DHX32: variants seen among roughly 807,000 people sequenced by gnomAD.
DHX32 encodes the protein DEAH-box helicase 32 (putative), also known as putative pre-mRNA-splicing factor ATP-dependent RNA helicase DHX32.
In DHX32, 51 loss-of-function variants were observed where a neutral mutation model predicts 70.0. That is an observed-to-expected ratio of 0.73 (90% CI 0.58 to 0.92). DHX32 has a LOEUF of 0.92. DHX32 is among the 40% of genes least tolerant of loss of function. The pLI is 0.00. For synonymous variants in DHX32, 310 were observed against 315.3 expected (o/e 0.98, Z 0.18); for missense variants, 762 against 891.8 (o/e 0.85, Z 1.85).
chr10:125,855,146 C>T (rs1020782698), intron 3 of DHX32, among the ~76,000 whole-genome samples: 17 of 150,394 alleles, frequency 1.1e-4, no homozygotes, highest in Non-Finnish European at 2.2e-4. Flanking sequence ...CACTTGAACC[C>T]GGGAGACAGA....
rs1030351320 is a variant in DHX32 at position 125,867,711 on chromosome 10, G to A, written c.283-528C>T. On this transcript the variant is annotated intron_variant, in intron 1 of 10. Transcript: ENST00000284690. ...AGATTGTGCCACTGCACGCCAGCCT[G>A]GGCGACAGAGCAAGACTCCGTCTCA... Among the ~76,000 whole-genome samples the A allele has an allele frequency of 6.0e-5, 9 of 149,616 alleles. No individual in the cohort carries two copies. The East Asian group carries it at 1.8e-3, about 29-fold the overall frequency.
intron 1 of DHX32, among the ~76,000 whole-genome samples, chr10:125,875,502 GAATAA>G (rs1305347068): frequency 2.0e-5 from 3 of 152,120 alleles, no homozygotes; most frequent in Non-Finnish European, 4.4e-5. Flanking sequence ...ATAACCCATA[GAATAA>G]AATAAGAATT....
intron 1 of DHX32, among the ~76,000 whole-genome samples, chr10:125,891,787 C>T (rs1944372596): frequency 6.6e-6 from 1 of 152,288 alleles, no homozygotes; most frequent in Non-Finnish European, 1.5e-5. Context: ...CATTAATCCT[C>T]CCAGATTTTC....
chr10:125,836,942 TG>T (rs1854709769), intron 10 of DHX32, 87 bp from the exon 11 acceptor site: 20 of 1,163,540 alleles, frequency 1.7e-5, no homozygotes, highest in Non-Finnish European at 2.5e-5. Flanking sequence ...TTCCCATCCC[TG>T]GAGAATCTAC....
In DHX32 at chr10:125,880,530, A is replaced by T; in HGVS notation, c.282+13T>A. 6.4e-7 allele frequency: 1 copy of T among 1,561,018 alleles called. No homozygotes were observed. Among genetic ancestry groups the T allele is most frequent in the African/African-American group, 1.4e-5 (1 of 72,814 alleles). On this transcript the variant is annotated intron_variant, in intron 1 of 10. Coordinates refer to ENST00000284690, the MANE Select transcript of DHX32 (RefSeq NM_018180.3). ...ACACATACAGCAAATTATTTTTTGTAGTGGTTACTCACCTGAGCGCTCTTA... is the reference window on the plus strand; with the variant it reads ...ACACATACAGCAAATTATTTTTTGTTGTGGTTACTCACCTGAGCGCTCTTA...
In DHX32 at chr10:125,854,012, G is replaced by A; in HGVS notation, c.1041C>T (p.Ile347=). The change falls in exon 4 of 11, where the codon ATC becomes ATT. Residue 347 remains isoleucine (I), a synonymous_variant. Coordinates refer to ENST00000284690, the MANE Select transcript of DHX32 (RefSeq NM_018180.3). ...TAACAAATCTGACTGAGTTGCTCCA[G>A]ATCAAAAACTCTCCAGAGCTAGTAG... The part of the protein sequence containing the change: ...VLTTSSGEFL[I]WSNSVRFVID... 1.2e-6 allele frequency: 2 copies of A among 1,613,984 alleles called. No individual in the cohort carries two copies. The highest frequency in any genetic ancestry group is 1.7e-6 in the Non-Finnish European group (2 of 1,179,968).
In DHX32 at chr10:125,867,015, A is replaced by G; in HGVS notation, c.451T>C (p.Cys151Arg). 3 of 1,614,094 alleles carry G rather than the reference A, an allele frequency of 1.9e-6. No individual in the cohort carries two copies. The highest frequency in any genetic ancestry group is 1.7e-6 in the Non-Finnish European group (2 of 1,179,964). The change falls in exon 2 of 11, where the codon TGC becomes CGC. Residue 151 changes from cysteine (C) to arginine (R), a missense_variant. Coordinates refer to ENST00000284690, the MANE Select transcript of DHX32 (RefSeq NM_018180.3). ...CTCAGGATTGTTTCGTTGGTACAGC[A>G]GTTCTCGAAAGGGATCACGTAGCCA... ...EVGYVIPFEN[C>R]CTNETILRYC... is the part of the protein sequence containing the mutation.
intron 1 of DHX32, among the ~76,000 whole-genome samples, chr10:125,879,582 C>A (rs1944305248): frequency 6.6e-6 from 1 of 152,234 alleles, no homozygotes; most frequent in African/African-American, 2.4e-5. Context: ...ATGGGGCTCA[C>A]TAACCTCCAA....
At chr10:125,839,296 A>C in intron 8 of DHX32, 108 bp from the exon 9 acceptor site, 1 of 1,143,242 alleles carries the variant, frequency 8.7e-7, no homozygotes, top group Non-Finnish European at 1.2e-6. Context: ...CTCTCCTACA[A>C]AGGAGGCCAC....
chr10:125,891,754 C>G (rs1391270012), intron 1 of DHX32, among the ~76,000 whole-genome samples: 1 of 152,308 alleles, frequency 6.6e-6, no homozygotes, highest in Non-Finnish European at 1.5e-5. Context: ...AATGCATGAA[C>G]TCCTCAGGAG....
chr10:125,854,488 T>G (rs1367773365), intron 3 of DHX32: 1 of 255,922 alleles, frequency 3.9e-6, no homozygotes, highest in Non-Finnish European at 7.4e-6. Context: ...TGCCATAGTT[T>G]TTACAGCTCA....
chr10:125,877,283 T>C (rs1944290094), intron 1 of DHX32, among the ~76,000 whole-genome samples: 1 of 152,202 alleles, frequency 6.6e-6, no homozygotes, highest in African/African-American at 2.4e-5. Flanking sequence ...GTTATAACAA[T>C]AACAGCGTAA....
At chr10:125,892,486 G>C (rs1944377214) in intron 1 of DHX32, among the ~76,000 whole-genome samples, 1 of 152,216 alleles carries the variant, frequency 6.6e-6, no homozygotes, top group South Asian at 2.1e-4. Flanking sequence ...TGCCTTTCTG[G>C]GCTTACTTCC....
Position 125,852,292 on chromosome 10 carries a change from C to T in DHX32, c.1351+1G>A. On this transcript the variant is annotated splice_donor_variant, in intron 6 of 10. Transcript: ENST00000284690. LOFTEE classifies it high-confidence loss of function. ...TGGCTGACATGGGAGCATAAGGCTA[C>T]CTGGTCTGTTCATGAAGTCACAGTG... is the stretch of plus-strand genomic sequence containing the variant. 5.0e-6 allele frequency: 8 copies of T among 1,613,730 alleles called. No individual in the cohort carries two copies. Among genetic ancestry groups the T allele is most frequent in the Non-Finnish European group, 6.8e-6 (8 of 1,179,856 alleles).
In DHX32 at chr10:125,866,075, C is replaced by T. The variant is rs577270708; in HGVS notation, c.476+915G>A. 5.3e-5 allele frequency among the ~76,000 whole-genome samples: 8 copies of T among 152,342 alleles called. No individual in the cohort carries two copies. Among genetic ancestry groups the T allele is most frequent in the South Asian group, 4.1e-4 (2 of 4,828 alleles). On this transcript the variant is annotated intron_variant, in intron 2 of 10. Coordinates refer to ENST00000284690, the MANE Select transcript of DHX32 (RefSeq NM_018180.3). The surrounding 1 kb of genome is among the most constrained non-coding windows in gnomAD (Gnocchi z 4.8). ...TAGAGAGGTGCAGAAATACTGACCCCGAGATACTTAGCTACTTGGCTCTTG... is the reference window on the plus strand; with the variant it reads ...TAGAGAGGTGCAGAAATACTGACCCTGAGATACTTAGCTACTTGGCTCTTG...
chr10:125,851,973 G>A (rs1944096397), intron 6 of DHX32, among the ~76,000 whole-genome samples: 1 of 149,972 alleles, frequency 6.7e-6, no homozygotes. Flanking sequence ...AAGCTGCTGA[G>A]AATTCTTCTT....
chr10:125,848,593 C>G (rs969792062), intron 6 of DHX32, among the ~76,000 whole-genome samples: 3 of 152,290 alleles, frequency 2.0e-5, no homozygotes, highest in Non-Finnish European at 4.4e-5. Context: ...AAGTCCAGTG[C>G]TGTTGCTGTT....
chr10:125,871,725 C>T (rs925334197), intron 1 of DHX32, among the ~76,000 whole-genome samples: 3 of 152,066 alleles, frequency 2.0e-5, no homozygotes, highest in African/African-American at 4.8e-5. Context: ...TGGCAAATGT[C>T]GATAATTTGA....
intron 1 of DHX32, among the ~76,000 whole-genome samples, chr10:125,870,289 C>T (rs1371233886): frequency 6.6e-6 from 1 of 152,054 alleles, no homozygotes; most frequent in Non-Finnish European, 1.5e-5. Flanking sequence ...ATGGTAGTTG[C>T]AGAATTTCAG....
Sources: allele counts gnomAD v4.1 joint callset (sites outside exome capture counted in the v4.1 genomes callset), GRCh38; gene constraint gnomAD v4.1.1; non-coding constraint Gnocchi (gnomAD v3.1); transcripts MANE v1.5; gene names NCBI Gene and HGNC (gene_info 2026-07-23, HGNC 2026-07-21).